Variants in TUNAR observed in about 807,000 individuals in gnomAD.
The protein encoded by TUNAR is transmembrane neural differentiation associated intracellular calcium regulator, also known as protein TUNAR.
chr14:95,913,448 G>A (rs1241691898), intron 2 of TUNAR, among the ~76,000 whole-genome samples: 1 of 152,138 alleles, frequency 6.6e-6, no homozygotes, highest in African/African-American at 2.4e-5. Context: ...TTAGTTTGCT[G>A]AGAATGGTCA....
chr14:95,906,016 T>A (rs538553943), intron 2 of TUNAR, among the ~76,000 whole-genome samples: 1 of 152,346 alleles, frequency 6.6e-6, no homozygotes, highest in South Asian at 2.1e-4. Context: ...AGGTTTGCTC[T>A]TGTGTTTTCA....
intron 2 of TUNAR, among the ~76,000 whole-genome samples, chr14:95,892,998 C>T (rs868441875): frequency 6.6e-6 from 1 of 152,140 alleles, no homozygotes; most frequent in African/African-American, 2.4e-5. Context: ...GAGGTGGCCC[C>T]TCTGAAAACC....
intron 2 of TUNAR, among the ~76,000 whole-genome samples, chr14:95,881,497 C>T (rs1303674744): frequency 6.6e-6 from 1 of 152,224 alleles, no homozygotes; most frequent in Admixed American, 6.5e-5. Flanking sequence ...ACTGTTTCTC[C>T]TCCTCCAGGA....
At chr14:95,886,561 AG>A (rs928607457) in intron 2 of TUNAR, among the ~76,000 whole-genome samples, 4 of 152,212 alleles carry the variant, frequency 2.6e-5, no homozygotes, top group Non-Finnish European at 5.9e-5. Flanking sequence ...GATGGTGCCA[AG>A]GGCACGGCAT....
intron 2 of TUNAR, among the ~76,000 whole-genome samples, chr14:95,898,120 T>C (rs1308536307): frequency 6.6e-6 from 1 of 152,192 alleles, no homozygotes; most frequent in Non-Finnish European, 1.5e-5. Flanking sequence ...AAAAGGTACA[T>C]GGAAAGTAAA....
chr14:95,914,653 CT>C (rs1480766701), intron 2 of TUNAR, among the ~76,000 whole-genome samples: 2 of 150,544 alleles, frequency 1.3e-5, no homozygotes, highest in African/African-American at 5.0e-5. Context: ...GAGAATGAGC[CT>C]CTGTCATCAT....
chr14:95,892,765 G>A (rs992141804), intron 2 of TUNAR, among the ~76,000 whole-genome samples: 17 of 152,224 alleles, frequency 1.1e-4, no homozygotes, highest in African/African-American at 3.9e-4. Flanking sequence ...GCACCATGCA[G>A]GGCTGCTGTG....
chr14:95,923,145 G>A (rs1163792509), exon 3 of TUNAR: 3 of 392,084 alleles, frequency 7.7e-6, no homozygotes, highest in African/African-American at 2.1e-5. Context: ...GCTGCAGGGA[G>A]CAGACACTAA....
intron 2 of TUNAR, among the ~76,000 whole-genome samples, chr14:95,902,541 G>T (rs1209545330): frequency 2.0e-5 from 3 of 152,206 alleles, no homozygotes; most frequent in Non-Finnish European, 4.4e-5. Context: ...GCATGGCCAA[G>T]CCATTTGCTC....
rs576692632 is a variant in TUNAR at position 95,893,446 on chromosome 14, C to T, written c.12+16269C>T. On this transcript the variant is annotated intron_variant, in intron 2 of 2. Coordinates refer to ENST00000678517, the Ensembl canonical transcript of TUNAR. ...GACCAGGGGCCAACAGGGAAGGGGC[C>T]GCCCTCACTCCTTATGGCTCTAAGG... 3.9e-5 allele frequency among the ~76,000 whole-genome samples: 6 copies of T among 152,206 alleles called. No homozygotes were observed. In the South Asian group the frequency reaches 6.2e-4, roughly 16 times the overall value.
chr14:95,883,727 C>T (rs984605584), intron 2 of TUNAR, among the ~76,000 whole-genome samples: 1 of 152,062 alleles, frequency 6.6e-6, no homozygotes, highest in Admixed American at 6.5e-5. Context: ...AAGCCACCCC[C>T]CCGCCGCCAC....
chr14:95,920,166 G>A (rs535765155), intron 2 of TUNAR, among the ~76,000 whole-genome samples: 80 of 152,264 alleles, frequency 5.3e-4, no homozygotes, highest in Non-Finnish European at 8.5e-4. Context: ...CTCAAAAGAG[G>A]ACATACTGTA....
At chr14:95,915,592 G>A (rs1273250013) in intron 2 of TUNAR, among the ~76,000 whole-genome samples, 1 of 152,220 alleles carries the variant, frequency 6.6e-6, no homozygotes, top group African/African-American at 2.4e-5. Flanking sequence ...ATGCTGGTTA[G>A]GCCCAGTGAG....
At chr14:95,908,676 T>C (rs1395571830) in intron 2 of TUNAR, among the ~76,000 whole-genome samples, 1 of 152,180 alleles carries the variant, frequency 6.6e-6, no homozygotes, top group African/African-American at 2.4e-5. Flanking sequence ...CAAAATCAGT[T>C]TTCTCAGATT....
chr14:95,903,280 G>A (rs779465569), intron 2 of TUNAR, among the ~76,000 whole-genome samples: 27 of 152,242 alleles, frequency 1.8e-4, no homozygotes, highest in Non-Finnish European at 3.5e-4. Flanking sequence ...ATTATTGATG[G>A]ACATAAAGTG....
chr14:95,885,196 A>G (rs1430352732), intron 2 of TUNAR, among the ~76,000 whole-genome samples: 2 of 152,206 alleles, frequency 1.3e-5, no homozygotes, highest in African/African-American at 4.8e-5. Context: ...GACATTGCAG[A>G]TGCCTTACCT....
chr14:95,913,515 C>T (rs1244544713), intron 2 of TUNAR, among the ~76,000 whole-genome samples: 2 of 152,194 alleles, frequency 1.3e-5, no homozygotes, highest in Non-Finnish European at 2.9e-5. Flanking sequence ...ACGAATTTTT[C>T]ATTCCGCAAT....
At chr14:95,888,879 C>T (rs971997595) in intron 2 of TUNAR, among the ~76,000 whole-genome samples, 10 of 152,192 alleles carry the variant, frequency 6.6e-5, no homozygotes, top group Non-Finnish European at 1.0e-4. Context: ...GAAGCCACCA[C>T]GGAGTGCTTA....
At chr14:95,908,151 A>G (rs981124301) in intron 2 of TUNAR, among the ~76,000 whole-genome samples, 16 of 152,282 alleles carry the variant, frequency 1.1e-4, no homozygotes, top group African/African-American at 3.8e-4. Flanking sequence ...GATGCTGTTC[A>G]TGGCACCTGG....
Sources: gnomAD v4.1 joint callset for allele counts (sites outside exome capture counted in the v4.1 genomes callset) on GRCh38, gnomAD v4.1.1 for gene constraint, MANE v1.5 for transcripts, NCBI Gene and HGNC (gene_info 2026-07-23, HGNC 2026-07-21) for gene names.